XYLT1: variants seen among roughly 807,000 people sequenced by gnomAD.
XYLT1 encodes xylosyltransferase 1.
XYLT1 carries 36 observed loss-of-function variants against 91.3 expected under a neutral mutation model. The observed-to-expected ratio is 0.39, with a 90% CI of 0.30 to 0.52. The LOEUF is 0.52. Ranked by LOEUF, XYLT1 falls within the 20% of genes least tolerant of loss-of-function variation. The pLI, the probability that XYLT1 is intolerant of heterozygous loss-of-function variation, is 0.68. For missense variants in XYLT1, 1,242 were observed against 1,284.5 expected, an observed-to-expected ratio of 0.97 and a Z score of 0.51; for synonymous variants, 588 against 532.0, an observed-to-expected ratio of 1.11 and a Z score of -1.45.
At chr16:17,406,053 T>A (rs1300395411) in intron 1 of XYLT1, among the ~76,000 whole-genome samples, 1 of 152,028 alleles carries the variant, frequency 6.6e-6, no homozygotes, top group African/African-American at 2.4e-5. Flanking sequence ...GGCGTGGTGG[T>A]GCATGCCTGT....
intron 1 of XYLT1, among the ~76,000 whole-genome samples, chr16:17,407,198 G>A (rs1217055971): frequency 2.6e-5 from 4 of 151,996 alleles, no homozygotes; most frequent in Non-Finnish European, 2.9e-5. Context: ...ATGGGGTTTC[G>A]CCATGTTGGC....
intron 1 of XYLT1, among the ~76,000 whole-genome samples, chr16:17,389,669 T>C (rs974251959): frequency 6.6e-6 from 1 of 152,118 alleles, no homozygotes; most frequent in Non-Finnish European, 1.5e-5. Flanking sequence ...ACATCCAACA[T>C]AGTCCCTGGC....
chr16:17,433,631 T>G (rs1356414384), intron 1 of XYLT1, among the ~76,000 whole-genome samples: 1 of 152,194 alleles, frequency 6.6e-6, no homozygotes, highest in African/African-American at 2.4e-5. Flanking sequence ...ACCCTGGTCA[T>G]CTGGGTGCTG....
chr16:17,152,844 T>C (rs371519546), intron 6 of XYLT1, among the ~76,000 whole-genome samples: 7 of 152,326 alleles, frequency 4.6e-5, no homozygotes, highest in African/African-American at 1.7e-4. Flanking sequence ...ATGATAGCTG[T>C]TTCTCTTACT....
At chr16:17,170,306 T>C (rs2141555803) in intron 5 of XYLT1, among the ~76,000 whole-genome samples, 1 of 152,372 alleles carries the variant, frequency 6.6e-6, no homozygotes, top group Admixed American at 6.5e-5. Context: ...AAGTTATGTA[T>C]GTTCAAGTTG....
chr16:17,408,093 A>G (rs2036056929), intron 1 of XYLT1, among the ~76,000 whole-genome samples: 1 of 152,208 alleles, frequency 6.6e-6, no homozygotes, highest in Non-Finnish European at 1.5e-5. Context: ...CAAACCAAAT[A>G]AACTTTCTTT....
At chr16:17,294,484 A>G (rs1291556569) in intron 2 of XYLT1, among the ~76,000 whole-genome samples, 1 of 152,178 alleles carries the variant, frequency 6.6e-6, no homozygotes, top group Admixed American at 6.5e-5. Flanking sequence ...CTGCTGTGTA[A>G]GGGAGGGTGG....
chr16:17,451,860 G>T (rs578115051), intron 1 of XYLT1, among the ~76,000 whole-genome samples: 2 of 152,294 alleles, frequency 1.3e-5, no homozygotes, highest in African/African-American at 2.4e-5. Flanking sequence ...AAAGTTCACT[G>T]GGAACCTGCA....
chr16:17,231,858 T>C (rs1016069974), intron 3 of XYLT1, among the ~76,000 whole-genome samples: 4 of 152,036 alleles, frequency 2.6e-5, no homozygotes, highest in Admixed American at 6.6e-5. Flanking sequence ...GGTGAGTCAG[T>C]AAGTCGTGGG....
Position 17,470,515 on chromosome 16 carries a change from C to T in XYLT1, c.282G>A (p.Gln94=), listed in dbSNP as rs1329480145. Residue 94 remains glutamine, a synonymous_variant, in exon 1 of 12, where the codon CAG becomes CAA. Coordinates refer to ENST00000261381, the MANE Select transcript of XYLT1 (RefSeq NM_022166.4). ...CGGGGCCGCCTCCCCGCGCCCGCGC[C>T]TGGGGCCCCCGTCCTCCTCCTCCTC... is the stretch of plus-strand genomic sequence containing the variant. The part of the protein sequence containing the change: ...GGGGGGGRGP[Q]ARARGGGPGE... 2.4e-6 allele frequency: 3 copies of T among 1,228,954 alleles called. No homozygotes were observed. The Admixed American group carries it at 1.3e-4, about 52-fold the overall frequency. The allele number at this position is 1,228,954 out of a possible 1,614,324, so 76.1% of individuals were successfully genotyped here. A position where few individuals can be genotyped will look rare whatever the true frequency, so the allele number is the denominator to read the frequency against.
At chr16:17,455,548 C>T (rs1043675490) in intron 1 of XYLT1, among the ~76,000 whole-genome samples, 3 of 150,986 alleles carry the variant, frequency 2.0e-5, no homozygotes, top group Non-Finnish European at 1.5e-5. Context: ...GTCAGAAGTC[C>T]GAGACCAGCC....
At chr16:17,300,124 A>G (rs2034371880) in intron 2 of XYLT1, among the ~76,000 whole-genome samples, 1 of 152,186 alleles carries the variant, frequency 6.6e-6, no homozygotes, top group South Asian at 2.1e-4. Flanking sequence ...TTGGGGGTCA[A>G]AAGAGTGGCT....
intron 1 of XYLT1, 62 bp from the exon 2 acceptor site, chr16:17,358,112 C>A (rs2035328366): frequency 1.3e-6 from 2 of 1,490,756 alleles, no homozygotes; most frequent in South Asian, 2.5e-5. Flanking sequence ...ACTACCCCAG[C>A]ATCTTTTTCT....
At chr16:17,396,002 A>G (rs2035881090) in intron 1 of XYLT1, among the ~76,000 whole-genome samples, 1 of 152,172 alleles carries the variant, frequency 6.6e-6, no homozygotes, top group South Asian at 2.1e-4. Flanking sequence ...GGCTGCTAAG[A>G]GAACCAGATG....
At chr16:17,110,895 T>C (rs1033016655) in intron 11 of XYLT1, among the ~76,000 whole-genome samples, 6 of 152,160 alleles carry the variant, frequency 3.9e-5, no homozygotes, top group African/African-American at 1.2e-4. Flanking sequence ...CACGATGGCT[T>C]ACACCTGTAA....
At chr16:17,458,867 C>T (rs1341342902) in intron 1 of XYLT1, among the ~76,000 whole-genome samples, 1 of 151,814 alleles carries the variant, frequency 6.6e-6, no homozygotes, top group Non-Finnish European at 1.5e-5. Context: ...CCATAATATA[C>T]ATTTAAAGAA....
chr16:17,169,299 A>G (rs568987145), intron 5 of XYLT1, among the ~76,000 whole-genome samples: 29 of 152,274 alleles, frequency 1.9e-4, no homozygotes, highest in African/African-American at 7.0e-4. Flanking sequence ...TAAACTGGAG[A>G]ACTACCTGGT....
At chr16:17,146,690 C>A (rs1208870877) in intron 6 of XYLT1, among the ~76,000 whole-genome samples, 1 of 152,152 alleles carries the variant, frequency 6.6e-6, no homozygotes, top group African/African-American at 2.4e-5. Flanking sequence ...TCACAATAAT[C>A]CTGGGTTAGG....
intron 5 of XYLT1, among the ~76,000 whole-genome samples, chr16:17,190,951 A>G (rs1051886521): frequency 6.6e-6 from 1 of 152,186 alleles, no homozygotes; most frequent in African/African-American, 2.4e-5. Context: ...CATCTGAAAA[A>G]TGGGGATATC....
Sources: gnomAD v4.1 joint callset for allele counts (sites outside exome capture counted in the v4.1 genomes callset) on GRCh38, gnomAD v4.1.1 for gene constraint, MANE v1.5 for transcripts, NCBI Gene and HGNC (gene_info 2026-07-23, HGNC 2026-07-21) for gene names.